The following MCC variants were observed in gnomAD, a reference collection of about 807,000 sequenced individuals.
MCC encodes the protein colorectal mutant cancer protein.
A neutral mutation model predicts 116.2 loss-of-function variants in MCC; 90 were observed. The ratio of observed to expected loss-of-function variants is 0.77; its 90% CI spans 0.65 to 0.92. The LOEUF (loss-of-function observed/expected upper bound fraction) is 0.92, where lower values mean the gene tolerates loss of function less well. MCC is among the 40% of genes least tolerant of loss of function. The pLI is 0.00. For synonymous variants in MCC, 578 were observed against 510.5 expected (o/e 1.13, Z -1.78); for missense variants, 1,516 against 1,312.2 (o/e 1.16, Z -2.40).
At chr5:113,454,179 G>A (rs1771478226) in intron 1 of MCC, among the ~76,000 whole-genome samples, 1 of 152,098 alleles carries the variant, frequency 6.6e-6, no homozygotes, top group African/African-American at 2.4e-5. Flanking sequence ...ATCATAGCTC[G>A]ATGCAGCCTT....
chr5:113,367,919 A>T (rs1768743188), intron 2 of MCC, among the ~76,000 whole-genome samples: 1 of 152,088 alleles, frequency 6.6e-6, no homozygotes, highest in South Asian at 2.1e-4. Flanking sequence ...CTTATCTCCT[A>T]AGGCCAGTTC....
intron 3 of MCC, chr5:113,204,684 G>C (rs1762834294): frequency 6.6e-6 from 1 of 152,224 alleles, no homozygotes; most frequent in Admixed American, 6.5e-5. Context: ...AGGAAACCAG[G>C]AGAAATTGTG....
chr5:113,213,804 C>A (rs1165557594), intron 3 of MCC, among the ~76,000 whole-genome samples: 1 of 152,210 alleles, frequency 6.6e-6, no homozygotes, highest in Admixed American at 6.5e-5. Context: ...CCCTTTGTTG[C>A]CTCTGTCACT....
chr5:113,088,047 T>C (rs1481120950), intron 8 of MCC, among the ~76,000 whole-genome samples: 2 of 152,244 alleles, frequency 1.3e-5, no homozygotes, highest in African/African-American at 4.8e-5. Context: ...TTTCTAAATC[T>C]AAATATCTAC....
At chr5:113,326,338 G>A (rs1767552455) in intron 3 of MCC, among the ~76,000 whole-genome samples, 1 of 152,150 alleles carries the variant, frequency 6.6e-6, no homozygotes, top group Admixed American at 6.5e-5. Context: ...AAATACCTGA[G>A]ACTGGATAAT....
At chr5:113,447,861 C>A (rs540404565) in intron 1 of MCC, among the ~76,000 whole-genome samples, 1 of 152,058 alleles carries the variant, frequency 6.6e-6, no homozygotes, top group Middle Eastern at 3.2e-3. Flanking sequence ...CGAGAGAGAG[C>A]ATTTTGAGAC....
intron 1 of MCC, among the ~76,000 whole-genome samples, chr5:113,455,630 G>C (rs1561581588): frequency 6.6e-6 from 1 of 152,186 alleles, no homozygotes; most frequent in African/African-American, 2.4e-5. Context: ...GTGTATTTTA[G>C]AAAGGCAATA....
chr5:113,103,454 C>T (rs1488565024), intron 7 of MCC, among the ~76,000 whole-genome samples: 2 of 152,222 alleles, frequency 1.3e-5, no homozygotes, highest in African/African-American at 4.8e-5. Flanking sequence ...CCAGCAATTG[C>T]TTCTCCCTGC....
chr5:113,473,476 A>G (rs1358318481), intron 1 of MCC, among the ~76,000 whole-genome samples: 1 of 152,172 alleles, frequency 6.6e-6, no homozygotes, highest in Non-Finnish European at 1.5e-5. Context: ...GTGGGCTATA[A>G]TCACACTACT....
chr5:113,208,856 T>C (rs1763011717), intron 3 of MCC, among the ~76,000 whole-genome samples: 2 of 152,232 alleles, frequency 1.3e-5, no homozygotes, highest in African/African-American at 4.8e-5. Context: ...AACATAGATG[T>C]AGATTTCTTA....
At chr5:113,228,417 A>G (rs944410130) in intron 3 of MCC, among the ~76,000 whole-genome samples, 1 of 152,158 alleles carries the variant, frequency 6.6e-6, no homozygotes, top group Admixed American at 6.5e-5. Flanking sequence ...GACTTACAGA[A>G]AGCTCCAAAC....
At chr5:113,100,528 G>T (rs976340015) in intron 8 of MCC, among the ~76,000 whole-genome samples, 2 of 129,280 alleles carry the variant, frequency 1.5e-5, no homozygotes, top group African/African-American at 2.9e-5. Context: ...CTGGAGTGCA[G>T]TGGTGCGATC....
intron 5 of MCC, among the ~76,000 whole-genome samples, chr5:113,125,461 A>G (rs1295749497): frequency 2.0e-5 from 3 of 152,192 alleles, no homozygotes; most frequent in Admixed American, 1.3e-4. Flanking sequence ...TAAATATTAG[A>G]AAGTTCATGC....
chr5:113,218,076 C>T (rs907088796), intron 3 of MCC, among the ~76,000 whole-genome samples: 11 of 132,034 alleles, frequency 8.3e-5, no homozygotes, highest in Admixed American at 5.2e-4. Flanking sequence ...TCTTAAGAAG[C>T]CAGAAGGATG....
Position 113,220,057 on chromosome 5 carries a change from C to CTTTTTTTTTTTTTTTTTTTTTTTTT in MCC, c.628-68636_628-68635insAAAAAAAAAAAAAAAAAAAAAAAAA. 2.5e-5 allele frequency among the ~76,000 whole-genome samples: 2 copies of CTTTTTTTTTTTTTTTTTTTTTTTTT among 79,498 alleles called. 1 individual carries two copies. Among genetic ancestry groups the CTTTTTTTTTTTTTTTTTTTTTTTTT allele is most frequent in the Non-Finnish European group, 7.0e-5 (2 of 28,694 alleles). 52.2% of individuals were successfully genotyped at this position (79,498 alleles called of 152,430 possible). ...AACTTTGGAATCTGCATGTCAATTTCTTTTTCTTTTTTTTTTTTGAGACGG... is the reference window on the plus strand; with the variant it reads ...AACTTTGGAATCTGCATGTCAATTTCTTTTTTTTTTTTTTTTTTTTTTTTTTTTTTCTTTTTTTTTTTTGAGACGG... On this transcript the variant is annotated intron_variant, in intron 3 of 18. Coordinates refer to ENST00000408903, the MANE Select transcript of MCC (RefSeq NM_001085377.2).
At chr5:113,441,633 C>T (rs1392284193) in intron 1 of MCC, among the ~76,000 whole-genome samples, 2 of 152,132 alleles carry the variant, frequency 1.3e-5, no homozygotes, top group East Asian at 3.9e-4. Flanking sequence ...GGTATTTCTC[C>T]TAATACTATC....
At chr5:113,096,945 T>G (rs1756061963) in intron 8 of MCC, among the ~76,000 whole-genome samples, 1 of 152,114 alleles carries the variant, frequency 6.6e-6, no homozygotes, top group African/African-American at 2.4e-5. Context: ...CTCCCTCCCA[T>G]GCAGCTAGAT....
At chr5:113,307,788 T>C (rs1487149182) in intron 3 of MCC, among the ~76,000 whole-genome samples, 3 of 152,206 alleles carry the variant, frequency 2.0e-5, no homozygotes, top group African/African-American at 7.2e-5. Flanking sequence ...GTAGGTTTTT[T>C]GTAGATTCCC....
intron 11 of MCC, among the ~76,000 whole-genome samples, chr5:113,074,776 G>C (rs970670198): frequency 2.0e-5 from 3 of 152,242 alleles, no homozygotes; most frequent in African/African-American, 7.2e-5. Flanking sequence ...TCAAGTGGAA[G>C]AAAGCGTATC....
Sources: gnomAD v4.1 joint callset for allele counts (sites outside exome capture counted in the v4.1 genomes callset) on GRCh38, gnomAD v4.1.1 for gene constraint, MANE v1.5 for transcripts, NCBI Gene and HGNC (gene_info 2026-07-23, HGNC 2026-07-21) for gene names.